TVP23C: variants seen among roughly 807,000 people sequenced by gnomAD.
TVP23C encodes the protein trans-golgi network vesicle protein 23 homolog C.
Under a neutral mutation model 28.7 loss-of-function variants are expected in TVP23C, and 19 were observed. That is an observed-to-expected ratio of 0.66 (90% CI 0.46 to 0.97). The LOEUF is 0.97. TVP23C is among the 50% of genes least tolerant of loss of function. The pLI is 0.00. For synonymous variants in TVP23C, 68 were observed against 81.7 expected (o/e 0.83, Z 0.90); for missense variants, 186 against 241.3 (o/e 0.77, Z 1.52).
intron 5 of TVP23C, 77 bp from the exon 6 acceptor site, chr17:15,540,638 C>T: frequency 2.6e-6 from 3 of 1,152,972 alleles, no homozygotes; most frequent in Non-Finnish European, 2.5e-6. Context: ...TGAGACAAGG[C>T]AGACTGTCAT....
At chr17:15,542,082 G>A (rs1322995009) in intron 5 of TVP23C, among the ~76,000 whole-genome samples, 1 of 152,146 alleles carries the variant, frequency 6.6e-6, no homozygotes, top group African/African-American at 2.4e-5. Context: ...CACAAAAAAG[G>A]GCTGGTGGCC....
chr17:15,536,334 G>C (rs1983155880), downstream of TVP23C, among the ~76,000 whole-genome samples: 1 of 152,116 alleles, frequency 6.6e-6, no homozygotes, highest in Non-Finnish European at 1.5e-5. Context: ...TTCTGCTATT[G>C]TGTCTACCTT....
Position 15,541,446 on chromosome 17 carries a change from CA to C in TVP23C, c.463-886del, listed in dbSNP as rs1983407352. On this transcript the variant is annotated intron_variant, in intron 5 of 5. Transcript: ENST00000518321. ...AAGGCTGTTTTTCAATAAAAACTTACAAAAACAGGTGTCGGGCTGGATTTGG... is the reference window on the plus strand; with the variant it reads ...AAGGCTGTTTTTCAATAAAAACTTACAAAACAGGTGTCGGGCTGGATTTGG... Among the ~76,000 whole-genome samples, 2 of 151,968 alleles carry C rather than the reference CA, an allele frequency of 1.3e-5. 1 individual carries two copies. Among genetic ancestry groups the C allele is most frequent in the South Asian group, 4.1e-4 (2 of 4,824 alleles).
chr17:15,507,052 C>A, intron 5 of TVP23C: 1 of 1,276,668 alleles, frequency 7.8e-7, no homozygotes, highest in Non-Finnish European at 1.1e-6. Context: ...GTTTATGTGT[C>A]AGGGCGGTGA....
intron 5 of TVP23C, among the ~76,000 whole-genome samples, chr17:15,543,705 T>A (rs989587552): frequency 6.6e-6 from 1 of 150,960 alleles, no homozygotes; most frequent in African/African-American, 2.4e-5. Context: ...TTATCTACCT[T>A]CCACTAGAAC....
downstream of TVP23C, among the ~76,000 whole-genome samples, chr17:15,533,088 C>T (rs1472686230): frequency 6.6e-6 from 1 of 152,194 alleles, no homozygotes. Context: ...CCCCTTCAGG[C>T]CCACAGCCAC....
chr17:15,555,309 G>T lies in TVP23C; in HGVS notation c.68C>A (p.Thr23Asn). The change falls in exon 2 of 6, where the codon ACT (threonine) becomes AAT (asparagine). Residue 23 changes from threonine (T) to asparagine (N), a missense_variant. This residue lies in a region of TVP23C where 92 missense variants were observed against 94.3 expected (regional missense o/e 0.98). Coordinates refer to ENST00000518321, the MANE Select transcript of TVP23C (RefSeq NM_001135036.2). ...VSLFDAEEET[T>N]NRPRKAKIRH... ...GATTTTGGCTTTTCTTGGTCTATTA[G>T]TCGTCTCCTCTTCCGCATCAAACAG... 6.2e-7 allele frequency: 1 copy of T among 1,613,928 alleles called. No individual in the cohort carries two copies. Among genetic ancestry groups the T allele is most frequent in the Non-Finnish European group, 8.5e-7 (1 of 1,179,852 alleles).
At chr17:15,547,331 G>A (rs891133248) in intron 3 of TVP23C, among the ~76,000 whole-genome samples, 183 bp from the exon 4 acceptor site, 1 of 152,156 alleles carries the variant, frequency 6.6e-6, no homozygotes, top group African/African-American at 2.4e-5. Context: ...GGTAATGGCA[G>A]GACTAATAGG....
intron 5 of TVP23C, among the ~76,000 whole-genome samples, chr17:15,513,529 G>GGGACCAA (rs1156732702): frequency 6.6e-6 from 1 of 152,196 alleles, no homozygotes; most frequent in Admixed American, 6.5e-5. Context: ...TCGATAGCAA[G>GGGACCAA]GGACCAAGAT....
At chr17:15,563,070 T>A in intron 1 of TVP23C, 1 of 328,264 alleles carries the variant, frequency 3.0e-6, no homozygotes, top group Non-Finnish European at 5.6e-6. Context: ...TGTCGCCGAT[T>A]CCTACAAGAT....
chr17:15,555,501 A>G (rs1984091303), intron 1 of TVP23C, 137 bp from the exon 2 acceptor site: 1 of 1,393,086 alleles, frequency 7.2e-7, no homozygotes, highest in African/African-American at 1.4e-5. Flanking sequence ...AAACCTAGAA[A>G]AGGACACATG....
In TVP23C at chr17:15,537,908, A is replaced by C. The variant is rs1005446787; in HGVS notation, c.*2504T>G. 6.3e-6 allele frequency: 9 copies of C among 1,432,284 alleles called. No individual in the cohort carries two copies. Among genetic ancestry groups the C allele is most frequent in the Non-Finnish European group, 8.2e-6 (9 of 1,094,986 alleles). 88.7% of individuals were successfully genotyped at this position (1,432,284 alleles called of 1,614,324 possible). On this transcript the variant is annotated 3_prime_UTR_variant, in exon 6 of 6. Transcript: ENST00000518321. The stretch of plus-strand genomic sequence containing the variant: ...TACCTACACCACAGAACAAATCTTA[A>C]CAATGTTTCTAGTGCCAACATATAC...
At chr17:15,557,944 G>A (rs1051043985) in intron 1 of TVP23C, among the ~76,000 whole-genome samples, 1 of 147,584 alleles carries the variant, frequency 6.8e-6, no homozygotes, top group African/African-American at 2.4e-5. Context: ...ATGGATGCGA[G>A]AAGCTCCTAC....
At position 15,552,736 on chromosome 17, in the gene TVP23C, T is replaced by C. The variant is rs138329508; in HGVS notation, c.240+949A>G. Among the ~76,000 whole-genome samples, 814 of 152,270 alleles carry C rather than the reference T, an allele frequency of 5.3e-3. 6 individuals carry two copies. The highest frequency in any genetic ancestry group is 7.3e-3 in the Non-Finnish European group (499 of 68,018). On this transcript the variant is annotated intron_variant, in intron 3 of 5. Transcript: ENST00000518321. Reference sequence around the variant, plus strand: ...AAATGGCTACATTGGTGGATGTGAATAGGGTTGTAACATCTTACTAGTCTT... The same window carrying C: ...AAATGGCTACATTGGTGGATGTGAACAGGGTTGTAACATCTTACTAGTCTT...
Position 15,539,336 on chromosome 17 carries a change from C to A in TVP23C, c.*1076G>T. On this transcript the variant is annotated 3_prime_UTR_variant, in exon 6 of 6. Coordinates refer to ENST00000518321, the MANE Select transcript of TVP23C (RefSeq NM_001135036.2). The stretch of plus-strand genomic sequence containing the variant: ...TAAAGACCTAGTCACGGCCAGGCGC[C>A]GTGGCTCACGCCTGTAATCCCAGCA... The A allele has an allele frequency of 1.2e-5, 12 of 984,794 alleles. No individual in the cohort carries two copies. Among genetic ancestry groups the A allele is most frequent in the African/African-American group, 1.7e-5 (1 of 57,324 alleles). The allele number at this position is 984,794 out of a possible 1,614,324, so 61.0% of individuals were successfully genotyped here.
chr17:15,541,016 C>T (rs921634923), intron 5 of TVP23C, among the ~76,000 whole-genome samples: 11 of 152,206 alleles, frequency 7.2e-5, no homozygotes, highest in Non-Finnish European at 1.6e-4. Context: ...CTCTGCTCTA[C>T]GTGACAACTG....
intron 5 of TVP23C, chr17:15,507,504 T>C (rs1379959972): frequency 4.9e-6 from 2 of 412,278 alleles, no homozygotes; most frequent in African/African-American, 2.0e-5. Flanking sequence ...TTCCCTTCCA[T>C]GCCTAGCTGG....
chr17:15,522,860 T>G (rs1567634190), intron 5 of TVP23C, among the ~76,000 whole-genome samples: 1 of 152,110 alleles, frequency 6.6e-6, no homozygotes, highest in Non-Finnish European at 1.5e-5. Context: ...CTGACCAACA[T>G]GGTGAAACCC....
In TVP23C at chr17:15,540,503, C is replaced by T. The variant is rs1308825009; in HGVS notation, c.521G>A (p.Cys174Tyr). Residue 174 changes from cysteine to tyrosine, a missense_variant, in exon 6 of 6, where the codon TGT becomes TAT. Coordinates refer to ENST00000518321, the MANE Select transcript of TVP23C (RefSeq NM_001135036.2). ...QGANLYGYIR[C>Y]KVRSRKHLTS... ...TAAATGCTTTCTGCTGCGCACCTTACACCTGATGTAACCATACAGGTTGGC... is the reference window on the plus strand; with the variant it reads ...TAAATGCTTTCTGCTGCGCACCTTATACCTGATGTAACCATACAGGTTGGC... 11 of 1,612,932 alleles carry T rather than the reference C, an allele frequency of 6.8e-6. No homozygotes were observed. Among genetic ancestry groups the T allele is most frequent in the Middle Eastern group, 1.7e-4 (1 of 6,054 alleles).
Sources: allele counts gnomAD v4.1 joint callset (sites outside exome capture counted in the v4.1 genomes callset), GRCh38; gene constraint gnomAD v4.1.1; regional missense constraint gnomAD v4.1.1; transcripts MANE v1.5; gene names NCBI Gene and HGNC (gene_info 2026-07-23, HGNC 2026-07-21).